Variants in PRRC2B observed in about 807,000 individuals in gnomAD.
PRRC2B encodes proline rich coiled-coil 2B.
PRRC2B carries 68 observed loss-of-function variants against 242.3 expected under a neutral mutation model. The observed-to-expected ratio is 0.28, with a 90% CI of 0.23 to 0.34. PRRC2B has a LOEUF of 0.34. Among genes scored for constraint, PRRC2B ranks in the 10% least tolerant of loss-of-function variants. The pLI, the probability that PRRC2B is intolerant of heterozygous loss-of-function variation, is 1.00. For synonymous variants in PRRC2B, 1,228 were observed against 1,173.6 expected, an observed-to-expected ratio of 1.05 and a Z score of -0.95; for missense variants, 2,835 against 2,954.8, an observed-to-expected ratio of 0.96 and a Z score of 0.94.
chr9:131,436,550 C>T, intron 3 of PRRC2B, 70 bp from the exon 4 acceptor site: 2 of 1,229,698 alleles, frequency 1.6e-6, no homozygotes, highest in Non-Finnish European at 2.3e-6. Flanking sequence ...AGCTGTGGCT[C>T]CTGAGAACGC....
At chr9:131,378,950 C>T (rs1265686862) in intron 1 of PRRC2B, among the ~76,000 whole-genome samples, 1 of 152,166 alleles carries the variant, frequency 6.6e-6, no homozygotes, top group East Asian at 1.9e-4. Context: ...AACTCCTGAC[C>T]TCAAGTGATC....
chr9:131,444,093 C>T (rs951451611), intron 5 of PRRC2B, 92 bp from the exon 6 acceptor site: 9 of 1,464,080 alleles, frequency 6.1e-6, no homozygotes, highest in Non-Finnish European at 8.5e-6. Flanking sequence ...AGCCCACTTC[C>T]AGGCAACACG....
Position 131,438,973 on chromosome 9 carries a change from C to T in PRRC2B, c.397-16C>T. ...TAAGGGAGCTGGCCCTCTTCTGATT[C>T]TCTTCCTTCTTTCAGAATACAAATT... is the stretch of plus-strand genomic sequence containing the variant. On this transcript the variant is annotated splice_polypyrimidine_tract_variant and intron_variant, in intron 4 of 31. Transcript: ENST00000683519. The T allele has an allele frequency of 4.4e-6, 7 of 1,605,048 alleles. No individual in the cohort carries two copies. The South Asian group carries it at 6.7e-5, about 15-fold the overall frequency.
upstream of PRRC2B, among the ~76,000 whole-genome samples, chr9:131,393,303 ATT>A (rs933378474): frequency 6.7e-6 from 1 of 149,308 alleles, no homozygotes; most frequent in Non-Finnish European, 1.5e-5. Flanking sequence ...AGGCCCTAAC[ATT>A]TTTTTTTTGT....
upstream of PRRC2B, among the ~76,000 whole-genome samples, chr9:131,392,047 A>G (rs143925393): frequency 5.3e-5 from 8 of 150,904 alleles, no homozygotes; most frequent in Non-Finnish European, 8.9e-5. Context: ...GGCCTTACAA[A>G]TAAAGAATCT....
intron 1 of PRRC2B, among the ~76,000 whole-genome samples, chr9:131,404,079 C>G (rs1421352279): frequency 6.6e-6 from 1 of 152,036 alleles, no homozygotes; most frequent in Non-Finnish European, 1.5e-5. Flanking sequence ...CCACACCCAG[C>G]CATTTTTCCA....
At chr9:131,495,532 G>A (rs1008206421) in intron 31 of PRRC2B, among the ~76,000 whole-genome samples, 2 of 152,144 alleles carry the variant, frequency 1.3e-5, no homozygotes, top group Non-Finnish European at 2.9e-5. Flanking sequence ...ACTGCACTCA[G>A]GGCTTATGGG....
chr9:131,451,125 C>T (rs922663431), intron 9 of PRRC2B, among the ~76,000 whole-genome samples: 2 of 152,110 alleles, frequency 1.3e-5, no homozygotes, highest in African/African-American at 2.4e-5. Context: ...TGAGGCCGGG[C>T]GCAGTGGCTC....
intron 1 of PRRC2B, among the ~76,000 whole-genome samples, chr9:131,415,881 C>T (rs531573598): frequency 3.5e-4 from 54 of 152,236 alleles, no homozygotes; most frequent in African/African-American, 5.3e-4. Flanking sequence ...TTTGAAGTCT[C>T]GGCTACTTGG....
chr9:131,406,953 CTG>C (rs1342083604), intron 1 of PRRC2B, among the ~76,000 whole-genome samples: 1 of 152,330 alleles, frequency 6.6e-6, no homozygotes, highest in African/African-American at 2.4e-5. Context: ...ACTGTTTTAA[CTG>C]TGCATATGAA....
At chr9:131,467,877 C>T in intron 13 of PRRC2B, 124 bp downstream of exon 13, 1 of 962,076 alleles carries the variant, frequency 1.0e-6, no homozygotes, top group Non-Finnish European at 1.5e-6. Flanking sequence ...CTTATGTGCC[C>T]CCAAGACCAG....
intron 5 of PRRC2B, among the ~76,000 whole-genome samples, chr9:131,439,680 C>T (rs1838492813): frequency 6.6e-6 from 1 of 152,176 alleles, no homozygotes; most frequent in South Asian, 2.1e-4. Context: ...CTCAAAGGCT[C>T]TTCCCTCAGT....
intron 6 of PRRC2B, 117 bp downstream of exon 6, chr9:131,444,445 TG>T: frequency 1.7e-6 from 2 of 1,146,384 alleles, no homozygotes; most frequent in South Asian, 1.6e-5. Flanking sequence ...GCTGGAAACG[TG>T]GCTCTTTGAC....
chr9:131,476,664 G>T, intron 16 of PRRC2B, 129 bp downstream of exon 16: 2 of 770,830 alleles, frequency 2.6e-6, no homozygotes, highest in Non-Finnish European at 2.0e-6. Flanking sequence ...GTCTGTGCGC[G>T]TCTCCATTGC....
chr9:131,411,691 A>C (rs1837513052), intron 1 of PRRC2B, among the ~76,000 whole-genome samples: 2 of 151,126 alleles, frequency 1.3e-5, no homozygotes, highest in Non-Finnish European at 2.9e-5. Context: ...TTTGAATTCC[A>C]CTTAGATTCA....
intron 1 of PRRC2B, among the ~76,000 whole-genome samples, chr9:131,407,231 G>A (rs555524658): frequency 2.8e-4 from 42 of 152,314 alleles, no homozygotes; most frequent in Middle Eastern, 3.4e-3. Context: ...GACATGGTTG[G>A]AGGGTGGGGG....
rs1238801604 is a variant in PRRC2B, at chr9:131,494,967, A to G, written c.6555+481A>G. On this transcript the variant is annotated intron_variant, in intron 31 of 31. Transcript: ENST00000683519. The surrounding 1 kb of genome is among the most constrained non-coding windows in gnomAD (Gnocchi z 4.3). ...TCCTGCACGCACTATTCTCTTCTCTATTCTCTAAAACGTGCTGGGGCTCAG... is the reference window on the plus strand; with the variant it reads ...TCCTGCACGCACTATTCTCTTCTCTGTTCTCTAAAACGTGCTGGGGCTCAG... 6.6e-6 allele frequency among the ~76,000 whole-genome samples: 1 copy of G among 152,144 alleles called. No homozygotes were observed. Among genetic ancestry groups the G allele is most frequent in the Non-Finnish European group, 1.5e-5 (1 of 68,032 alleles).
intron 1 of PRRC2B, among the ~76,000 whole-genome samples, chr9:131,385,941 C>T (rs1836821327): frequency 6.6e-6 from 1 of 150,440 alleles, no homozygotes; most frequent in South Asian, 2.1e-4. Flanking sequence ...GATCCGCCCA[C>T]CTCGGCCTCC....
chr9:131,384,295 T>G, intron 1 of PRRC2B, among the ~76,000 whole-genome samples: 2 of 151,340 alleles, frequency 1.3e-5, no homozygotes, highest in Admixed American at 6.6e-5. Context: ...TGTATGTATT[T>G]TATTTGAGGT....
Sources: allele counts gnomAD v4.1 joint callset (sites outside exome capture counted in the v4.1 genomes callset), GRCh38; gene constraint gnomAD v4.1.1; non-coding constraint Gnocchi (gnomAD v3.1); transcripts MANE v1.5; gene names NCBI Gene and HGNC (gene_info 2026-07-23, HGNC 2026-07-21).